Variants in PLXNA4 observed in about 807,000 individuals in gnomAD.
PLXNA4 encodes plexin A4, also known as plexin-A4.
PLXNA4 carries 44 observed loss-of-function variants against 191.8 expected under a neutral mutation model. The ratio of observed to expected loss-of-function variants is 0.23; its 90% CI spans 0.18 to 0.29. The LOEUF (loss-of-function observed/expected upper bound fraction) is 0.29. PLXNA4 is among the 10% of genes least tolerant of loss of function. The pLI, the probability that PLXNA4 is intolerant of heterozygous loss-of-function variation, is 1.00. For synonymous variants in PLXNA4, 1,082 were observed against 1,009.5 expected (o/e 1.07, Z -1.36); for missense variants, 1,800 against 2,488.8 (o/e 0.72, Z 5.89).
chr7:132,491,934 G>A (rs745852700), intron 2 of PLXNA4, among the ~76,000 whole-genome samples: 1 of 152,294 alleles, frequency 6.6e-6, no homozygotes, highest in Middle Eastern at 3.4e-3. Flanking sequence ...TGTGCCTGCT[G>A]GATATGACCA....
In PLXNA4 at chr7:132,331,043, G is replaced by A. The variant is rs182941076; in HGVS notation, c.1372-32821C>T. On this transcript the variant is annotated intron_variant, in intron 3 of 31. Coordinates refer to ENST00000321063, the MANE Select transcript of PLXNA4 (RefSeq NM_020911.2). ...TCAAGACAGAGTAGAGAGTGAGGGT[G>A]GGATGGGACAGTGGGGAGGGGCCGC... Among the ~76,000 whole-genome samples the A allele has an allele frequency of 1.1e-3, 168 of 152,266 alleles. 2 individuals are homozygous for A. In the East Asian group the frequency reaches 0.014, roughly 13 times the overall value.
chr7:132,599,935 A>C (rs985841809), intron 2 of PLXNA4, among the ~76,000 whole-genome samples: 1 of 152,206 alleles, frequency 6.6e-6, no homozygotes, highest in Non-Finnish European at 1.5e-5. Context: ...AATTGAGATA[A>C]TTGTATGAAT....
chr7:132,166,947 G>A (rs370586826), intron 22 of PLXNA4, among the ~76,000 whole-genome samples: 38 of 152,304 alleles, frequency 2.5e-4, no homozygotes, highest in South Asian at 1.5e-3. Flanking sequence ...AAACCCTGAA[G>A]TAAACACTTC....
intron 1 of PLXNA4, among the ~76,000 whole-genome samples, chr7:132,552,281 T>C (rs1411381415): frequency 2.0e-5 from 3 of 152,186 alleles, no homozygotes; most frequent in African/African-American, 4.8e-5. Context: ...TCCTAGACCT[T>C]GTTTTAAAAC....
rs79476231 is a variant in PLXNA4, at chr7:132,493,137, G to A, written c.1189-3663C>T. Among the ~76,000 whole-genome samples, 1,367 of 152,236 alleles carry A rather than the reference G, an allele frequency of 9.0e-3. 22 individuals are homozygous for A. Among genetic ancestry groups the A allele is most frequent in the African/African-American group, 0.031 (1,283 of 41,556 alleles). ...TGAAAGCCTTCAACAGGTGAGGGTTGATGTGGCTTCCTGAGCACCTGGGTG... is the reference window on the plus strand; with the variant it reads ...TGAAAGCCTTCAACAGGTGAGGGTTAATGTGGCTTCCTGAGCACCTGGGTG... On this transcript the variant is annotated intron_variant, in intron 2 of 31. Coordinates refer to ENST00000321063, the MANE Select transcript of PLXNA4 (RefSeq NM_020911.2).
intron 4 of PLXNA4, among the ~76,000 whole-genome samples, chr7:132,263,361 G>A (rs189998419): frequency 4.1e-4 from 62 of 152,318 alleles, no homozygotes; most frequent in African/African-American, 1.3e-3. Context: ...GCAGCACTTC[G>A]ACCCTGCAAG....
rs1425121816 is a variant in PLXNA4 at position 132,128,146 on chromosome 7, AG to A, written c.*2332del. On this transcript the variant is annotated 3_prime_UTR_variant, in exon 32 of 32. Coordinates refer to ENST00000321063, the MANE Select transcript of PLXNA4 (RefSeq NM_020911.2). ...ATTGTAGTGACCGAGGTACTTCCTC[AG>A]ACCGTCTCCCACATGTACCCTTTCT... 1.3e-5 allele frequency: 2 copies of A among 152,182 alleles called. No individual in the cohort carries two copies. The highest frequency in any genetic ancestry group is 4.8e-5 in the African/African-American group (2 of 41,442). 9.4% of individuals were successfully genotyped at this position (152,182 alleles called of 1,614,324 possible). A position where few individuals can be genotyped will look rare whatever the true frequency, so the allele number is the denominator to read the frequency against.
At chr7:132,412,254 T>C (rs1794487238) in intron 3 of PLXNA4, among the ~76,000 whole-genome samples, 1 of 152,240 alleles carries the variant, frequency 6.6e-6, no homozygotes, top group African/African-American at 2.4e-5. Flanking sequence ...GTTTTTGGCA[T>C]ATCTCCCCCT....
rs10530198 is a variant in PLXNA4, at chr7:132,179,023, GGC to G, written c.3874+662_3874+663del. Among the ~76,000 whole-genome samples, 334 of 58,968 alleles carry G rather than the reference GGC, an allele frequency of 5.7e-3. 20 individuals are homozygous for G. The highest frequency in any genetic ancestry group is 0.021 in the African/African-American group (317 of 15,138). 38.7% of individuals were successfully genotyped at this position (58,968 alleles called of 152,430 possible). ...TAAATGAAACACATACACATATACA[GGC>G]GCGCGCGCACACACACACACACACA... On this transcript the variant is annotated intron_variant, in intron 20 of 31. Transcript: ENST00000321063.
intron 3 of PLXNA4, among the ~76,000 whole-genome samples, chr7:132,363,038 G>GC (rs1328073482): frequency 6.6e-6 from 1 of 152,154 alleles, no homozygotes; most frequent in Non-Finnish European, 1.5e-5. Flanking sequence ...AGGCTGGAGT[G>GC]CAATGGTGTG....
At chr7:132,368,562 C>A (rs914052700) in intron 3 of PLXNA4, among the ~76,000 whole-genome samples, 3 of 152,196 alleles carry the variant, frequency 2.0e-5, no homozygotes, top group Admixed American at 1.3e-4. Flanking sequence ...CAGGCTGACA[C>A]CTGGAGTGTC....
intron 3 of PLXNA4, among the ~76,000 whole-genome samples, chr7:132,412,126 A>C (rs542022786): frequency 6.6e-6 from 1 of 152,328 alleles, no homozygotes; most frequent in Admixed American, 6.5e-5. Flanking sequence ...GTCTCAGAGC[A>C]AACATTCCAG....
chr7:132,170,025 G>C (rs535801701), intron 21 of PLXNA4, among the ~76,000 whole-genome samples: 1 of 151,954 alleles, frequency 6.6e-6, no homozygotes. Flanking sequence ...TCCCCAAGGG[G>C]GTGGATACCA....
chr7:132,385,358 C>A, intron 3 of PLXNA4: 1 of 1,521,994 alleles, frequency 6.6e-7, no homozygotes, highest in South Asian at 1.3e-5. Context: ...CATAAGCCTC[C>A]TTATTCCCCT....
In PLXNA4 at chr7:132,552,900, G is replaced by T. The variant is rs114142352; in HGVS notation, c.-87+23522C>A. Among the ~76,000 whole-genome samples, 1,482 of 152,240 alleles carry T rather than the reference G, an allele frequency of 9.7e-3. 22 individuals are homozygous for T. The highest frequency in any genetic ancestry group is 0.034 in the African/African-American group (1,416 of 41,536). On this transcript the variant is annotated intron_variant, in intron 1 of 31. Coordinates refer to ENST00000321063, the MANE Select transcript of PLXNA4 (RefSeq NM_020911.2). Reference sequence around the variant, plus strand: ...AAAAGAAACTCAAAAAAAAAAATTTGCCTTGGGGCCAGTACTGCCCATTAC... The same window carrying T: ...AAAAGAAACTCAAAAAAAAAAATTTTCCTTGGGGCCAGTACTGCCCATTAC...
At chr7:132,563,102 C>T (rs1436619897) in intron 1 of PLXNA4, among the ~76,000 whole-genome samples, 1 of 107,930 alleles carries the variant, frequency 9.3e-6, no homozygotes, top group Non-Finnish European at 2.0e-5. Flanking sequence ...TCTTCCTCCT[C>T]CTCCTCTCCC....
At chr7:132,215,604 C>A (rs1009160479) in intron 9 of PLXNA4, among the ~76,000 whole-genome samples, 3 of 152,120 alleles carry the variant, frequency 2.0e-5, no homozygotes, top group African/African-American at 7.2e-5. Flanking sequence ...GCCAGAGGAT[C>A]CACACATGTA....
rs183464343 is a variant in PLXNA4, at chr7:132,214,681, G to A, written c.2098-3538C>T. 4.3e-3 allele frequency among the ~76,000 whole-genome samples: 653 copies of A among 152,162 alleles called. 7 individuals carry two copies. The highest frequency in any genetic ancestry group is 0.015 in the African/African-American group (602 of 41,506). On this transcript the variant is annotated intron_variant, in intron 9 of 31. Coordinates refer to ENST00000321063, the MANE Select transcript of PLXNA4 (RefSeq NM_020911.2). Reference sequence around the variant, plus strand: ...TCATGTTCCTCCAGGATGTGAGCCCGAGGCCCTGTTTCATGGCCCAGGGAC... The same window carrying A: ...TCATGTTCCTCCAGGATGTGAGCCCAAGGCCCTGTTTCATGGCCCAGGGAC...
At chr7:132,643,182 A>T (rs1425699417) in intron 2 of PLXNA4, among the ~76,000 whole-genome samples, 1 of 152,138 alleles carries the variant, frequency 6.6e-6, no homozygotes, top group Non-Finnish European at 1.5e-5. Flanking sequence ...TTGCATGTGG[A>T]CAGGTAATGA....
Sources: allele counts gnomAD v4.1 joint callset (sites outside exome capture counted in the v4.1 genomes callset), GRCh38; gene constraint gnomAD v4.1.1; transcripts MANE v1.5; gene names NCBI Gene and HGNC (gene_info 2026-07-23, HGNC 2026-07-21).